PDZRN3: variants seen among roughly 807,000 people sequenced by gnomAD.
The protein encoded by PDZRN3 is PDZ domain containing ring finger 3.
A neutral mutation model predicts 85.7 loss-of-function variants in PDZRN3; 38 were observed. That is an observed-to-expected ratio of 0.44 (90% CI 0.34 to 0.58). The LOEUF is 0.58. Ranked by LOEUF, PDZRN3 falls within the 20% of genes least tolerant of loss-of-function variation. The pLI is 0.01. For missense variants in PDZRN3, 1,629 were observed against 1,506.4 expected, an observed-to-expected ratio of 1.08 and a Z score of -1.35; for synonymous variants, 759 against 638.0, an observed-to-expected ratio of 1.19 and a Z score of -2.86.
At chr3:73,560,761 ACAGC>A (rs1701799050) in intron 3 of PDZRN3, among the ~76,000 whole-genome samples, 2 of 152,330 alleles carry the variant, frequency 1.3e-5, no homozygotes, top group East Asian at 3.9e-4. Flanking sequence ...TGTATTTAGC[ACAGC>A]CATGGCTGAG....
chr3:73,473,827 C>T (rs1703396828), intron 3 of PDZRN3, among the ~76,000 whole-genome samples: 3 of 152,158 alleles, frequency 2.0e-5, no homozygotes, highest in South Asian at 2.1e-4. Flanking sequence ...CAGATGACTG[C>T]TGCCCCAGTC....
chr3:73,470,950 G>T (rs1313094697), intron 3 of PDZRN3, among the ~76,000 whole-genome samples: 1 of 152,126 alleles, frequency 6.6e-6, no homozygotes, highest in Non-Finnish European at 1.5e-5. Flanking sequence ...ATTCCATTTT[G>T]CAATTTTAAA....
chr3:73,425,680 G>T lies in PDZRN3; in HGVS notation c.919-21285C>A, dbSNP rs533267671. 7.2e-5 allele frequency among the ~76,000 whole-genome samples: 11 copies of T among 151,944 alleles called. No individual in the cohort carries two copies. In the South Asian group the frequency reaches 2.1e-3, roughly 29 times the overall value. On this transcript the variant is annotated intron_variant, in intron 3 of 9. Coordinates refer to ENST00000263666, the MANE Select transcript of PDZRN3 (RefSeq NM_015009.3). ...GAGGTAAGGCGGATACTTATACACT[G>T]GTGGGTATTACGCAGACAGACTCAT... is the stretch of plus-strand genomic sequence containing the variant.
intron 1 of PDZRN3, among the ~76,000 whole-genome samples, chr3:73,619,343 C>T (rs1702815329): frequency 6.6e-6 from 1 of 152,194 alleles, no homozygotes; most frequent in Non-Finnish European, 1.5e-5. Context: ...ACAGACTCTT[C>T]CACTTATTTA....
At chr3:73,591,836 C>G (rs895079484) in intron 3 of PDZRN3, among the ~76,000 whole-genome samples, 4 of 152,158 alleles carry the variant, frequency 2.6e-5, no homozygotes, top group Non-Finnish European at 5.9e-5. Flanking sequence ...CTCTTAACCT[C>G]TGCATATACT....
At chr3:73,525,778 A>G (rs1575709320) in intron 3 of PDZRN3, among the ~76,000 whole-genome samples, 1 of 151,652 alleles carries the variant, frequency 6.6e-6, no homozygotes, top group Admixed American at 6.6e-5. Context: ...TCTGGGTCTC[A>G]CCCCCTCAGC....
At chr3:73,438,695 C>T (rs746852898) in intron 3 of PDZRN3, among the ~76,000 whole-genome samples, 1 of 152,224 alleles carries the variant, frequency 6.6e-6, no homozygotes, top group Non-Finnish European at 1.5e-5. Flanking sequence ...CACAGATTCA[C>T]TAACTTGTCT....
chr3:73,445,389 T>C (rs1702726680), intron 3 of PDZRN3, among the ~76,000 whole-genome samples: 1 of 152,200 alleles, frequency 6.6e-6, no homozygotes, highest in African/African-American at 2.4e-5. Context: ...GCTAGTTTAA[T>C]ATTTTAAAGT....
intron 6 of PDZRN3, among the ~76,000 whole-genome samples, chr3:73,390,652 T>A (rs866525486): frequency 3.1e-5 from 4 of 127,832 alleles, no homozygotes; most frequent in African/African-American, 1.2e-4. Context: ...TGTGTGTGTG[T>A]GTGAGAGAGA....
intron 3 of PDZRN3, among the ~76,000 whole-genome samples, chr3:73,511,521 A>C (rs1704164886): frequency 6.6e-6 from 1 of 151,742 alleles, no homozygotes; most frequent in Non-Finnish European, 1.5e-5. Context: ...TTCCCTTCTT[A>C]TTTTCTGACT....
intron 3 of PDZRN3, chr3:73,474,725 C>T: frequency 1.5e-6 from 1 of 664,566 alleles, no homozygotes; most frequent in Non-Finnish European, 2.0e-6. Context: ...ATTTCAGGCC[C>T]TGGGAAAGGT....
intron 3 of PDZRN3, chr3:73,434,100 A>C (rs1702486908): frequency 3.5e-6 from 1 of 285,210 alleles, no homozygotes; most frequent in African/African-American, 2.3e-5. Flanking sequence ...TATAATTGCC[A>C]ACTATGACAG....
At chr3:73,454,989 T>C (rs960402385) in intron 3 of PDZRN3, among the ~76,000 whole-genome samples, 4 of 152,152 alleles carry the variant, frequency 2.6e-5, no homozygotes, top group African/African-American at 7.2e-5. Context: ...TCTCCTGGAG[T>C]TCCATTCAAT....
intron 3 of PDZRN3, chr3:73,433,647 C>T: frequency 4.6e-6 from 7 of 1,532,796 alleles, no homozygotes; most frequent in Non-Finnish European, 5.2e-6. Context: ...ACCTGACAAA[C>T]TTCATAGAGT....
intron 8 of PDZRN3, among the ~76,000 whole-genome samples, chr3:73,387,522 T>TA (rs1482302324): frequency 2.0e-5 from 3 of 152,214 alleles, no homozygotes; most frequent in African/African-American, 7.2e-5. Context: ...GCCTAGCACT[T>TA]ATTCGGTGGT....
intron 3 of PDZRN3, among the ~76,000 whole-genome samples, chr3:73,573,640 G>C (rs6776425): frequency 0.88 from 133,681 of 152,192 alleles, 58,716 homozygotes; most frequent in Middle Eastern, 0.9. Context: ...GTTTGCCAAC[G>C]CCCGTTCTAT....
In PDZRN3 at chr3:73,384,094, C is replaced by G; in HGVS notation, c.2472G>C (p.Pro824=). 1 of 1,613,538 alleles carries G rather than the reference C, an allele frequency of 6.2e-7. No homozygotes were observed. The highest frequency in any genetic ancestry group is 8.5e-7 in the Non-Finnish European group (1 of 1,179,816). ...GGTTGGGGTCCAGCTCCTTCAGGGA[C>G]GGGCTATAGGTAGGGGTGCCCACTT... is the stretch of plus-strand genomic sequence containing the variant. ...DPEVGTPTYS[P]SLKELDPNQP... Residue 824 remains proline, a synonymous_variant, in exon 10 of 10, where the codon CCG becomes CCC. Coordinates refer to ENST00000263666, the MANE Select transcript of PDZRN3 (RefSeq NM_015009.3).
At chr3:73,404,831 A>T (rs1701822056) in intron 3 of PDZRN3, among the ~76,000 whole-genome samples, 1 of 152,234 alleles carries the variant, frequency 6.6e-6, no homozygotes, top group Non-Finnish European at 1.5e-5. Flanking sequence ...AAGTAATATG[A>T]AGTTTCCTCT....
rs1245135643 is a variant in PDZRN3 at position 73,382,911 on chromosome 3, A to C, written c.*454T>G. The C allele has an allele frequency of 1.3e-5, 2 of 158,470 alleles. No individual in the cohort carries two copies. Among genetic ancestry groups the C allele is most frequent in the African/African-American group, 4.8e-5 (2 of 41,486 alleles). 9.8% of individuals were successfully genotyped at this position (158,470 alleles called of 1,614,324 possible). On this transcript the variant is annotated 3_prime_UTR_variant, in exon 10 of 10. Transcript: ENST00000263666. ...AATGATAATATCTTAACGGTCACGC[A>C]TATGAAACACATTCAGTAACGTACC...
Sources: gnomAD v4.1 joint callset for allele counts (sites outside exome capture counted in the v4.1 genomes callset) on GRCh38, gnomAD v4.1.1 for gene constraint, MANE v1.5 for transcripts, NCBI Gene and HGNC (gene_info 2026-07-23, HGNC 2026-07-21) for gene names.